COL4A2: variants seen among roughly 807,000 people sequenced by gnomAD.
The protein encoded by COL4A2 is collagen alpha-2(IV) chain.
A neutral mutation model predicts 200.2 loss-of-function variants in COL4A2; 99 were observed. That is an observed-to-expected ratio of 0.49 (90% CI 0.42 to 0.58). The LOEUF is 0.58. COL4A2 is among the 20% of genes least tolerant of loss of function. COL4A2 has a pLI of 0.00. For synonymous variants in COL4A2, 897 were observed against 900.6 expected (o/e 1.00, Z 0.07); for missense variants, 1,950 against 2,314.1 (o/e 0.84, Z 3.23).
Position 110,478,100 on chromosome 13 carries a change from T to C in COL4A2, c.2523T>C (p.His841=). The C allele has an allele frequency of 1.2e-6, 2 of 1,609,480 alleles. No individual in the cohort carries two copies. Among genetic ancestry groups the C allele is most frequent in the South Asian group, 1.1e-5 (1 of 90,602 alleles). Residue 841 remains histidine (H), a synonymous_variant, in exon 30 of 48, where the codon CAT becomes CAC. Coordinates refer to ENST00000360467, the MANE Select transcript of COL4A2 (RefSeq NM_001846.4). ...QPGLYGPPGL[H]GFPGAPGQEG... is the part of the protein sequence containing the mutation. ...GCCTGTATGGGCCTCCAGGACTGCA[T>C]GGATTCCCAGGAGCTCCTGGCCAAG...
chr13:110,503,944 C>T lies in COL4A2; in HGVS notation c.4236C>T (p.Pro1412=), dbSNP rs771161198. The T allele has an allele frequency of 1.9e-6, 3 of 1,580,090 alleles. No individual in the cohort carries two copies. Among genetic ancestry groups the T allele is most frequent in the Non-Finnish European group, 1.7e-6 (2 of 1,160,752 alleles). ...TGGGTCCCCAGGGGAGGCGAGGCCC[C>T]CCTGGGGCACCGGGGGAGATGGGGC... ...GTVGPQGRRG[P]PGAPGEMGPQ... The change falls in exon 44 of 48, where the codon CCC becomes CCT. Residue 1412 remains proline, a synonymous_variant. Transcript: ENST00000360467.
chr13:110,453,126 A>G (rs769192803), intron 20 of COL4A2, among the ~76,000 whole-genome samples: 10 of 152,182 alleles, frequency 6.6e-5, no homozygotes, highest in Non-Finnish European at 1.5e-4. Context: ...TGAGCATTAT[A>G]TTTCCTAAGC....
chr13:110,367,274 G>A (rs1282344779), intron 4 of COL4A2, among the ~76,000 whole-genome samples: 2 of 152,200 alleles, frequency 1.3e-5, no homozygotes, highest in Non-Finnish European at 2.9e-5. Context: ...AAAATAAAAT[G>A]GAAGTAATTA....
intron 4 of COL4A2, among the ~76,000 whole-genome samples, chr13:110,420,033 C>T (rs973687795): frequency 6.6e-6 from 1 of 152,152 alleles, no homozygotes; most frequent in African/African-American, 2.4e-5. Flanking sequence ...CTGTTATGTA[C>T]CAAGGAGTAT....
At chr13:110,392,620 C>T (rs1374186939) in intron 4 of COL4A2, among the ~76,000 whole-genome samples, 2 of 152,154 alleles carry the variant, frequency 1.3e-5, no homozygotes, top group Non-Finnish European at 1.5e-5. Context: ...GAAAAAAAGA[C>T]CATATTAGTA....
At chr13:110,469,646 A>T (rs887262777) in intron 28 of COL4A2, among the ~76,000 whole-genome samples, 3 of 152,206 alleles carry the variant, frequency 2.0e-5, no homozygotes, top group Admixed American at 2.0e-4. Context: ...TAAGGGCAAC[A>T]CAAAGTTATC....
chr13:110,465,939 G>T, intron 25 of COL4A2, 64 bp from the exon 26 acceptor site: 1 of 1,583,352 alleles, frequency 6.3e-7, no homozygotes, highest in Non-Finnish European at 8.6e-7. Context: ...GCACGCCCCA[G>T]ACGAGCCAGT....
intron 15 of COL4A2, among the ~76,000 whole-genome samples, chr13:110,439,495 C>G (rs1176646138): frequency 6.6e-6 from 1 of 152,190 alleles, no homozygotes; most frequent in African/African-American, 2.4e-5. Context: ...CTGACGTCTT[C>G]CACAGGGAAG....
rs778611463 is a variant in COL4A2, at chr13:110,436,265, G to A, written c.727-4G>A. On this transcript the variant is annotated splice_polypyrimidine_tract_variant and splice_region_variant and intron_variant, in intron 12 of 47. Coordinates refer to ENST00000360467, the MANE Select transcript of COL4A2 (RefSeq NM_001846.4). ...GACAACTGCTTTTGCTTAACAATATGCAGGGTGACGTAGGGCAGCCGGGAC... is the reference window on the plus strand; with the variant it reads ...GACAACTGCTTTTGCTTAACAATATACAGGGTGACGTAGGGCAGCCGGGAC... 1.9e-6 allele frequency: 3 copies of A among 1,613,770 alleles called. No homozygotes were observed. Among genetic ancestry groups the A allele is most frequent in the Non-Finnish European group, 2.5e-6 (3 of 1,179,976 alleles).
Position 110,508,929 on chromosome 13 carries a change from C to T in COL4A2, c.4881+708C>T, listed in dbSNP as rs572003593. On this transcript the variant is annotated intron_variant, in intron 47 of 47. Transcript: ENST00000360467. The surrounding 1 kb of genome is among the most constrained non-coding windows in gnomAD (Gnocchi z 6.1). ...GGCTCCTCAACTTGGAATAGGGTCC[C>T]GTCCCGATAAATTCATTGTAAGATG... Among the ~76,000 whole-genome samples the T allele has an allele frequency of 3.3e-5, 5 of 152,152 alleles. No homozygotes were observed. The highest frequency in any genetic ancestry group is 1.9e-4 in the East Asian group (1 of 5,174).
In COL4A2 at chr13:110,387,797, C is replaced by T. The variant is rs548532625; in HGVS notation, c.180+30245C>T. Among the ~76,000 whole-genome samples the T allele has an allele frequency of 2.6e-5, 4 of 152,348 alleles. No individual in the cohort carries two copies. In the South Asian group the frequency reaches 8.3e-4, roughly 32 times the overall value. ...GAGGCTTCCTTCTCCCCAGGCCCCT[C>T]CCGCCCAGCTGCTGCAGCTGCTCAG... On this transcript the variant is annotated intron_variant, in intron 4 of 47. Transcript: ENST00000360467.
chr13:110,334,289 C>T lies in COL4A2; in HGVS notation c.100-23183C>T, dbSNP rs117605064. Among the ~76,000 whole-genome samples, 3 of 152,298 alleles carry T rather than the reference C, an allele frequency of 2.0e-5. No individual in the cohort carries two copies. The East Asian group carries it at 5.8e-4, about 29-fold the overall frequency. ...CTCTGCTTGGTTTGTTTGTTCGTTC[C>T]TTTGTTTATCAAGCACAGCAGATGT... On this transcript the variant is annotated intron_variant, in intron 3 of 47. Coordinates refer to ENST00000360467, the MANE Select transcript of COL4A2 (RefSeq NM_001846.4).
At chr13:110,373,134 T>C (rs1315940554) in intron 4 of COL4A2, among the ~76,000 whole-genome samples, 1 of 152,250 alleles carries the variant, frequency 6.6e-6, no homozygotes, top group African/African-American at 2.4e-5. Context: ...GCACTATGAA[T>C]CATTTGGGGT....
intron 28 of COL4A2, among the ~76,000 whole-genome samples, chr13:110,470,433 C>T (rs1046230350): frequency 1.1e-4 from 16 of 152,248 alleles, no homozygotes; most frequent in African/African-American, 2.9e-4. Flanking sequence ...GAGTTCTCAC[C>T]GGGCTGTTCC....
At chr13:110,445,681 C>T in intron 16 of COL4A2, 148 bp from the exon 17 acceptor site, 4 of 1,067,380 alleles carry the variant, frequency 3.7e-6, no homozygotes. Context: ...TTTTGAGACC[C>T]AAGTCAGGGA....
At chr13:110,497,075 T>C (rs1039685269) in intron 40 of COL4A2, among the ~76,000 whole-genome samples, 2 of 142,254 alleles carry the variant, frequency 1.4e-5, no homozygotes, top group Admixed American at 1.4e-4. Context: ...AGTGAGAATC[T>C]AAGGTCAGTC....
intron 34 of COL4A2, among the ~76,000 whole-genome samples, chr13:110,486,853 T>C (rs137982191): frequency 0.02 from 3,114 of 152,260 alleles, 102 homozygotes; most frequent in African/African-American, 0.07. Flanking sequence ...TTTCACAAGA[T>C]AATGTCATCA....
rs1884109665 is a variant in COL4A2 at position 110,512,213 on chromosome 13, C to A, written c.*22C>A. On this transcript the variant is annotated 3_prime_UTR_variant, in exon 48 of 48. Transcript: ENST00000360467. ...GTGAGCCGGCGCGTGCCAGGAAGGG[C>A]CATTTTGGTGCTTATTCTTAACTTA... is the stretch of plus-strand genomic sequence containing the variant. 3 of 1,601,788 alleles carry A rather than the reference C, an allele frequency of 1.9e-6. No homozygotes were observed. Among genetic ancestry groups the A allele is most frequent in the Non-Finnish European group, 2.6e-6 (3 of 1,175,204 alleles).
At chr13:110,459,860 AAGCAAG>A (rs1289878716) in intron 22 of COL4A2, 1 of 120,260 alleles carries the variant, frequency 8.3e-6, no homozygotes, top group Non-Finnish European at 1.8e-5. Flanking sequence ...ACCTGATAAA[AAGCAAG>A]ACCTTTTGAT....
Sources: gnomAD v4.1 joint callset for allele counts (sites outside exome capture counted in the v4.1 genomes callset) on GRCh38, gnomAD v4.1.1 for gene constraint, Gnocchi (gnomAD v3.1) non-coding constraint, MANE v1.5 for transcripts, NCBI Gene and HGNC (gene_info 2026-07-23, HGNC 2026-07-21) for gene names.